Variants in NXNL2 observed in about 807,000 individuals in gnomAD.
NXNL2 encodes the protein nucleoredoxin like 2.
NXNL2 carries 7 observed loss-of-function variants against 11.1 expected under a neutral mutation model. That is an observed-to-expected ratio of 0.63 (90% confidence interval 0.36 to 1.18). The LOEUF (loss-of-function observed/expected upper bound fraction) is 1.18, where lower values mean the gene tolerates loss of function less well. Ranked by LOEUF, NXNL2 falls within the 50% of genes most tolerant of loss-of-function variation. NXNL2 has a pLI of 0.02. For missense variants in NXNL2, 233 were observed against 217.7 expected (o/e 1.07, Z -0.44); for synonymous variants, 109 against 101.8 (o/e 1.07, Z -0.42).
At chr9:88,553,605 A>G (rs1015124629) in intron 1 of NXNL2, among the ~76,000 whole-genome samples, 1 of 152,208 alleles carries the variant, frequency 6.6e-6, no homozygotes, top group Admixed American at 6.5e-5. Flanking sequence ...CTAGCGGGTC[A>G]GGGAGGTGGA....
chr9:88,557,208 A>G lies in NXNL2; in HGVS notation c.303-13879A>G, dbSNP rs2118480474. 1.3e-5 allele frequency among the ~76,000 whole-genome samples: 2 copies of G among 152,194 alleles called. 1 individual carries two copies. Among genetic ancestry groups the G allele is most frequent in the South Asian group, 4.1e-4 (2 of 4,822 alleles). On this transcript the variant is annotated intron_variant, in intron 1 of 2. Transcript: ENST00000375855. The stretch of plus-strand genomic sequence containing the variant: ...CACAGATTTCCATTCTTTGGAATAC[A>G]TTCTTCCCAAGTGGGCTGTCCTCAA...
chr9:88,561,214 G>T (rs1321369845), intron 1 of NXNL2, among the ~76,000 whole-genome samples: 1 of 152,104 alleles, frequency 6.6e-6, no homozygotes, highest in African/African-American at 2.4e-5. Context: ...TGAAGAGATG[G>T]AACGGGCCTA....
intron 1 of NXNL2, among the ~76,000 whole-genome samples, chr9:88,566,018 T>C (rs1830165609): frequency 6.6e-6 from 1 of 152,204 alleles, no homozygotes; most frequent in African/African-American, 2.4e-5. Flanking sequence ...CCATTTTTAA[T>C]TGAGTTATTA....
chr9:88,538,817 A>G lies in NXNL2; in HGVS notation c.302+3081A>G, dbSNP rs142799337. 1.4e-4 allele frequency among the ~76,000 whole-genome samples: 22 copies of G among 152,318 alleles called. 1 individual carries two copies. Among genetic ancestry groups the G allele is most frequent in the African/African-American group, 4.8e-4 (20 of 41,570 alleles). ...TATTATGTGCCAAGCCTCATTCTTC[A>G]TTAAGCTGTTTATTTAATCCTCACA... On this transcript the variant is annotated intron_variant, in intron 1 of 1. Transcript: ENST00000375854.
chr9:88,560,443 G>T lies in NXNL2; in HGVS notation c.303-10644G>T, dbSNP rs1308237843. Among the ~76,000 whole-genome samples the T allele has an allele frequency of 2.6e-5, 4 of 152,070 alleles. No homozygotes were observed. In the East Asian group the frequency reaches 5.8e-4, roughly 22 times the overall value. ...CATCTCTGGAATTGGAGGGGCCTGG[G>T]TGTCCACCAAAGCAAAGATCCACAT... is the stretch of plus-strand genomic sequence containing the variant. On this transcript the variant is annotated intron_variant, in intron 1 of 2. Coordinates refer to the NXNL2 transcript ENST00000375855.
In NXNL2 at chr9:88,566,337, C is replaced by T. The variant is rs188184486; in HGVS notation, c.303-4750C>T. The stretch of plus-strand genomic sequence containing the variant: ...TGAGATGGAGTCTTGGTCTGTTACT[C>T]AGGCTGGAGTGCAGTGGCATGAACT... On this transcript the variant is annotated intron_variant, in intron 1 of 2. Transcript: ENST00000375855. Among the ~76,000 whole-genome samples the T allele has an allele frequency of 6.3e-4, 95 of 151,652 alleles. No homozygotes were observed. The Middle Eastern group carries it at 0.01, about 16-fold the overall frequency.
intron 1 of NXNL2, among the ~76,000 whole-genome samples, chr9:88,569,689 A>G (rs1468849975): frequency 6.6e-6 from 1 of 152,184 alleles, no homozygotes; most frequent in African/African-American, 2.4e-5. Flanking sequence ...TTAAAGTGCC[A>G]TTTTAGCTGT....
At chr9:88,571,746 G>T (rs567232229) in intron 2 of NXNL2, among the ~76,000 whole-genome samples, 3 of 152,210 alleles carry the variant, frequency 2.0e-5, no homozygotes, top group African/African-American at 7.2e-5. Context: ...TCAGGAGGAG[G>T]GGCCCAGTCC....
intron 1 of NXNL2, among the ~76,000 whole-genome samples, chr9:88,569,753 T>A (rs1172650659): frequency 2.6e-5 from 4 of 152,368 alleles, no homozygotes; most frequent in African/African-American, 9.6e-5. Flanking sequence ...TAGTGAATTG[T>A]GTTAATAGAT....
At chr9:88,543,093 A>G (rs558538723) in intron 1 of NXNL2, among the ~76,000 whole-genome samples, 20 of 152,286 alleles carry the variant, frequency 1.3e-4, no homozygotes, top group Non-Finnish European at 1.6e-4. Context: ...CCCTAAATGA[A>G]TACAAATAAT....
At chr9:88,569,881 G>C (rs1420296036) in intron 1 of NXNL2, among the ~76,000 whole-genome samples, 2 of 152,058 alleles carry the variant, frequency 1.3e-5, no homozygotes, top group Non-Finnish European at 2.9e-5. Flanking sequence ...GTTATTTGCA[G>C]AGATTGTTTT....
chr9:88,582,203 G>A (rs1284679689), intron 1 of NXNL2, among the ~76,000 whole-genome samples: 1 of 152,208 alleles, frequency 6.6e-6, no homozygotes, highest in Non-Finnish European at 1.5e-5. Context: ...CTAGACCTGG[G>A]TGCAGTGGCT....
chr9:88,561,279 A>G lies in NXNL2; in HGVS notation c.303-9808A>G, dbSNP rs548144154. ...TGGATTCTTCCTGCCCTCAAACATC[A>G]GACTCCAAGTTCTTCAGTTTAGGGA... is the stretch of plus-strand genomic sequence containing the variant. On this transcript the variant is annotated intron_variant, in intron 1 of 2. Coordinates refer to the NXNL2 transcript ENST00000375855. Among the ~76,000 whole-genome samples, 17 of 152,256 alleles carry G rather than the reference A, an allele frequency of 1.1e-4. 1 individual carries two copies. In the South Asian group the frequency reaches 2.9e-3, roughly 26 times the overall value.
chr9:88,577,052 C>T (rs66529615), downstream of NXNL2, among the ~76,000 whole-genome samples: 17,642 of 151,970 alleles, frequency 0.12, 2,253 homozygotes, highest in East Asian at 0.74. Flanking sequence ...AGGGTCCTTG[C>T]GAGGTGTCCT....
chr9:88,574,839 G>A (rs540358805), intron 2 of NXNL2, among the ~76,000 whole-genome samples: 11 of 152,286 alleles, frequency 7.2e-5, no homozygotes, highest in Non-Finnish European at 1.2e-4. Flanking sequence ...GGCCAGGGGC[G>A]GGGGATCCTG....
chr9:88,576,546 A>G (rs1830350696), downstream of NXNL2, among the ~76,000 whole-genome samples: 1 of 152,198 alleles, frequency 6.6e-6, no homozygotes, highest in South Asian at 2.1e-4. Context: ...CCAGTTTGCT[A>G]GCAGGTGACA....
At chr9:88,552,932 A>C (rs977667933) in intron 1 of NXNL2, among the ~76,000 whole-genome samples, 2 of 152,108 alleles carry the variant, frequency 1.3e-5, no homozygotes, top group Non-Finnish European at 2.9e-5. Flanking sequence ...GTGGTGGAAA[A>C]ATTGCCCACG....
At chr9:88,548,010 T>C (rs1472932962), downstream of NXNL2, among the ~76,000 whole-genome samples, 2 of 145,206 alleles carry the variant, frequency 1.4e-5, no homozygotes, top group African/African-American at 2.6e-5. Flanking sequence ...AGAGCGAAAC[T>C]CCATCTTAAA....
chr9:88,569,158 T>C (rs1830223458), intron 1 of NXNL2, among the ~76,000 whole-genome samples: 1 of 152,204 alleles, frequency 6.6e-6, no homozygotes, highest in African/African-American at 2.4e-5. Context: ...CTCGTACTCC[T>C]GGTCTCAAAT....
Sources: allele counts gnomAD v4.1 joint callset (sites outside exome capture counted in the v4.1 genomes callset), GRCh38; gene constraint gnomAD v4.1.1; transcripts MANE v1.5; gene names NCBI Gene and HGNC (gene_info 2026-07-23, HGNC 2026-07-21).